COG3: variants seen among roughly 807,000 people sequenced by gnomAD.
COG3 encodes component of oligomeric golgi complex 3, also known as conserved oligomeric Golgi complex subunit 3.
In COG3, 32 loss-of-function variants were observed where a neutral mutation model predicts 114.1. That is an observed-to-expected ratio of 0.28 (90% CI 0.21 to 0.38). The LOEUF is 0.38. Among genes scored for constraint, COG3 ranks in the 10% least tolerant of loss-of-function variants. The pLI is 1.00. For synonymous variants in COG3, 352 were observed against 365.7 expected, an observed-to-expected ratio of 0.96 and a Z score of 0.43; for missense variants, 813 against 973.2, an observed-to-expected ratio of 0.84 and a Z score of 2.19.
At position 45,472,908 on chromosome 13, in the gene COG3, C is replaced by T. The variant is rs1169788867; in HGVS notation, c.175-3293C>T. 2.6e-5 allele frequency among the ~76,000 whole-genome samples: 4 copies of T among 152,278 alleles called. No individual in the cohort carries two copies. In the East Asian group the frequency reaches 5.8e-4, roughly 22 times the overall value. Reference sequence around the variant, plus strand: ...TTTTTGAGACGGAGTCTCCCTCTGTCGCCTAGGCTGGAGTGCAGTGGTGCA... The same window carrying T: ...TTTTTGAGACGGAGTCTCCCTCTGTTGCCTAGGCTGGAGTGCAGTGGTGCA... On this transcript the variant is annotated intron_variant, in intron 1 of 22. Coordinates refer to ENST00000349995, the MANE Select transcript of COG3 (RefSeq NM_031431.4).
intron 6 of COG3, 63 bp from the exon 7 acceptor site, chr13:45,483,167 C>G (rs1886357857): frequency 3.7e-6 from 5 of 1,358,648 alleles, no homozygotes; most frequent in Non-Finnish European, 5.1e-6. Flanking sequence ...TTGGTTTTCA[C>G]TAAAAGCTTG....
At chr13:45,493,298 A>T (rs776811389) in intron 11 of COG3, 49 bp from the exon 12 acceptor site, 37 of 1,481,584 alleles carry the variant, frequency 2.5e-5, no homozygotes, top group Non-Finnish European at 3.4e-5. Context: ...ATTATTACAA[A>T]ATCCTGAAAA....
At chr13:45,490,710 A>G (rs1593700450) in intron 8 of COG3, among the ~76,000 whole-genome samples, 1 of 151,966 alleles carries the variant, frequency 6.6e-6, no homozygotes, top group Non-Finnish European at 1.5e-5. Context: ...TAAAAAGAAA[A>G]ATATAGGAAC....
At chr13:45,467,007 T>A (rs1050270827) in intron 1 of COG3, among the ~76,000 whole-genome samples, 3 of 152,166 alleles carry the variant, frequency 2.0e-5, no homozygotes, top group Non-Finnish European at 4.4e-5. Flanking sequence ...AAAGAAGGTA[T>A]GTTCAGATGG....
intron 14 of COG3, among the ~76,000 whole-genome samples, chr13:45,504,452 T>C (rs916115522): frequency 6.6e-6 from 1 of 152,176 alleles, no homozygotes; most frequent in African/African-American, 2.4e-5. Context: ...AACCCCGGAC[T>C]TGTGCGTTTT....
At chr13:45,517,250 T>C (rs75635921) in intron 17 of COG3, among the ~76,000 whole-genome samples, 2,084 of 152,292 alleles carry the variant, frequency 0.014, 43 homozygotes, top group African/African-American at 0.042. Context: ...TTATTTTCTA[T>C]GTGTTACAGT....
intron 2 of COG3, 135 bp downstream of exon 2, chr13:45,476,482 T>C (rs895564274): frequency 5.6e-6 from 5 of 887,930 alleles, no homozygotes; most frequent in African/African-American, 1.7e-5. Flanking sequence ...CATTCTTGAT[T>C]TTGCATTAGT....
intron 16 of COG3, among the ~76,000 whole-genome samples, chr13:45,513,324 CATATAATATATACATATAAATTATAT>C (rs1871133335): frequency 8.2e-6 from 1 of 121,866 alleles, no homozygotes. Flanking sequence ...ATAAATTATA[CATATAATATATACATATAAATTATAT>C]ATAATATATA....
At chr13:45,503,941 A>G (rs903356086) in intron 14 of COG3, among the ~76,000 whole-genome samples, 10 of 152,150 alleles carry the variant, frequency 6.6e-5, no homozygotes, top group African/African-American at 2.2e-4. Context: ...GGAGTAAAAT[A>G]CTATTGACAC....
intron 15 of COG3, 106 bp downstream of exon 15, chr13:45,509,922 T>C (rs1870668915): frequency 8.4e-7 from 1 of 1,191,436 alleles, no homozygotes. Flanking sequence ...CTTAAAATCA[T>C]GATTTTTAGA....
At chr13:45,510,449 G>T (rs1023509266) in intron 15 of COG3, among the ~76,000 whole-genome samples, 2 of 152,150 alleles carry the variant, frequency 1.3e-5, no homozygotes, top group African/African-American at 4.8e-5. Flanking sequence ...AGAGAGGTTT[G>T]GATATTTGGC....
At chr13:45,492,135 G>A in intron 10 of COG3, 24 bp from the exon 11 acceptor site, 1 of 1,418,494 alleles carries the variant, frequency 7.0e-7, no homozygotes, top group Non-Finnish European at 9.9e-7. Context: ...TTAACTGTAG[G>A]TGGTGTGTGT....
intron 8 of COG3, among the ~76,000 whole-genome samples, chr13:45,489,894 A>ATACAG (rs1296383781): frequency 6.6e-6 from 1 of 152,044 alleles, no homozygotes; most frequent in Non-Finnish European, 1.5e-5. Flanking sequence ...ATTTTGAAAA[A>ATACAG]TACAGTGTCA....
intron 13 of COG3, among the ~76,000 whole-genome samples, chr13:45,501,083 G>C (rs897142836): frequency 9.2e-5 from 14 of 152,176 alleles, no homozygotes; most frequent in African/African-American, 3.4e-4. Flanking sequence ...TGTTGATATT[G>C]AACTTGACCA....
chr13:45,529,750 TC>T (rs1873002953), intron 20 of COG3, 40 bp from the exon 21 acceptor site: 2 of 1,507,262 alleles, frequency 1.3e-6, no homozygotes, highest in East Asian at 4.6e-5. Flanking sequence ...ATATTTCTTT[TC>T]TTTTTCTTTA....
intron 1 of COG3, among the ~76,000 whole-genome samples, chr13:45,475,505 T>C (rs557769306): frequency 7.4e-4 from 112 of 152,172 alleles, no homozygotes; most frequent in African/African-American, 2.5e-3. Context: ...AACCCGGTCA[T>C]TGGGTGTGAT....
intron 2 of COG3, among the ~76,000 whole-genome samples, chr13:45,476,627 C>T (rs562522643): frequency 9.2e-5 from 14 of 152,144 alleles, no homozygotes; most frequent in African/African-American, 3.1e-4. Context: ...TTGACTTCCC[C>T]CAATGTCTGT....
chr13:45,521,878 C>T (rs1872191745), intron 19 of COG3, among the ~76,000 whole-genome samples: 1 of 150,848 alleles, frequency 6.6e-6, no homozygotes, highest in Admixed American at 6.6e-5. Flanking sequence ...TCTCGGCTCA[C>T]TGCAACCTCT....
chr13:45,490,326 A>G (rs1048406712), intron 8 of COG3, among the ~76,000 whole-genome samples: 1 of 152,164 alleles, frequency 6.6e-6, no homozygotes, highest in Non-Finnish European at 1.5e-5. Context: ...GTGTTATTAC[A>G]CCAGTTTTAT....
Sources: allele counts gnomAD v4.1 joint callset (sites outside exome capture counted in the v4.1 genomes callset), GRCh38; gene constraint gnomAD v4.1.1; transcripts MANE v1.5; gene names NCBI Gene and HGNC (gene_info 2026-07-23, HGNC 2026-07-21).